CPNE4: variants seen among roughly 807,000 people sequenced by gnomAD.
CPNE4 encodes the protein copine 4.
In CPNE4, 25 loss-of-function variants were observed where a neutral mutation model predicts 67.9. The ratio of observed to expected loss-of-function variants is 0.37; its 90% CI spans 0.27 to 0.51. The LOEUF is 0.51. CPNE4 is among the 20% of genes least tolerant of loss of function. The probability of loss-of-function intolerance (pLI) is 0.93; values close to 1 mark genes in which losing one functional copy is unlikely to be tolerated. For synonymous variants in CPNE4, 242 were observed against 244.9 expected, an observed-to-expected ratio of 0.99 and a Z score of 0.11; for missense variants, 464 against 690.8, an observed-to-expected ratio of 0.67 and a Z score of 3.68.
At chr3:131,916,409 C>T (rs1583450865) in intron 1 of CPNE4, among the ~76,000 whole-genome samples, 1 of 149,026 alleles carries the variant, frequency 6.7e-6, no homozygotes, top group African/African-American at 2.5e-5. Context: ...AAACGACAGA[C>T]AACATATGAA....
chr3:132,015,685 C>A (rs1036095201), intron 1 of CPNE4, among the ~76,000 whole-genome samples: 1 of 152,152 alleles, frequency 6.6e-6, no homozygotes, highest in Non-Finnish European at 1.5e-5. Flanking sequence ...CAAAAGGCCA[C>A]AAGCAGAGGG....
chr3:131,622,898 T>A (rs1276569002), intron 7 of CPNE4, among the ~76,000 whole-genome samples: 1 of 152,220 alleles, frequency 6.6e-6, no homozygotes, highest in Non-Finnish European at 1.5e-5. Flanking sequence ...CACAGAAGTT[T>A]ATCATAGCTT....
At chr3:131,554,810 G>T (rs1276482310) in intron 12 of CPNE4, among the ~76,000 whole-genome samples, 2 of 151,994 alleles carry the variant, frequency 1.3e-5, no homozygotes, top group Non-Finnish European at 2.9e-5. Flanking sequence ...GAGGTACCCT[G>T]CTGTCTCTCC....
intron 3 of CPNE4, among the ~76,000 whole-genome samples, chr3:131,706,176 C>T (rs979928172): frequency 3.3e-5 from 5 of 152,154 alleles, no homozygotes; most frequent in Admixed American, 6.5e-5. Context: ...TCAGAAGATG[C>T]TTGAAGGAAT....
chr3:131,558,425 A>G (rs947006022), intron 11 of CPNE4, among the ~76,000 whole-genome samples: 1 of 152,052 alleles, frequency 6.6e-6, no homozygotes, highest in Non-Finnish European at 1.5e-5. Context: ...CCATTTAGCA[A>G]CTGCTGGGAA....
At chr3:131,982,450 G>A (rs1437362993) in intron 1 of CPNE4, among the ~76,000 whole-genome samples, 2 of 152,154 alleles carry the variant, frequency 1.3e-5, no homozygotes, top group African/African-American at 4.8e-5. Context: ...AAAATGAAGT[G>A]CTAGACTGAG....
intron 2 of CPNE4, among the ~76,000 whole-genome samples, chr3:131,858,769 G>A (rs2086556382): frequency 6.6e-6 from 1 of 152,096 alleles, no homozygotes; most frequent in Admixed American, 6.6e-5. Context: ...AGGAGTTGTG[G>A]CTATAAGGCA....
intron 2 of CPNE4, among the ~76,000 whole-genome samples, chr3:131,789,567 G>A (rs1482660267): frequency 6.6e-6 from 1 of 152,218 alleles, no homozygotes; most frequent in Non-Finnish European, 1.5e-5. Flanking sequence ...GTTTTAGGAG[G>A]ATTATGCAGG....
At chr3:131,919,680 T>C (rs2070688235) in intron 1 of CPNE4, among the ~76,000 whole-genome samples, 1 of 152,200 alleles carries the variant, frequency 6.6e-6, no homozygotes, top group South Asian at 2.1e-4. Flanking sequence ...TGTACTCAGA[T>C]AAAATTTTAC....
At chr3:131,697,211 T>C (rs1013556864) in intron 4 of CPNE4, among the ~76,000 whole-genome samples, 2 of 152,176 alleles carry the variant, frequency 1.3e-5, no homozygotes, top group Non-Finnish European at 2.9e-5. Context: ...GACTTTCTCA[T>C]AATAGGTCAT....
At chr3:132,009,298 C>T (rs943064325) in intron 1 of CPNE4, among the ~76,000 whole-genome samples, 27 of 152,306 alleles carry the variant, frequency 1.8e-4, no homozygotes, top group African/African-American at 6.3e-4. Flanking sequence ...CCTGAGGAAC[C>T]TCTGCTCCTG....
intron 2 of CPNE4, among the ~76,000 whole-genome samples, chr3:131,903,235 G>T (rs1256779023): frequency 6.6e-6 from 1 of 152,046 alleles, no homozygotes; most frequent in Non-Finnish European, 1.5e-5. Flanking sequence ...TCCAAAACAG[G>T]TCTATTTGTG....
At chr3:131,654,888 C>G (rs936099437) in intron 7 of CPNE4, among the ~76,000 whole-genome samples, 1 of 152,132 alleles carries the variant, frequency 6.6e-6, no homozygotes, top group Non-Finnish European at 1.5e-5. Context: ...CCAGTCCAGT[C>G]CCCCACTGCA....
chr3:131,707,674 C>G (rs2081447779), intron 3 of CPNE4, among the ~76,000 whole-genome samples: 1 of 152,128 alleles, frequency 6.6e-6, no homozygotes, highest in South Asian at 2.1e-4. Context: ...ATGACAGAGG[C>G]AGGACTTGAT....
intron 1 of CPNE4, among the ~76,000 whole-genome samples, chr3:131,999,935 T>C (rs1263985594): frequency 6.6e-6 from 1 of 152,048 alleles, no homozygotes; most frequent in Non-Finnish European, 1.5e-5. Context: ...ATTGTTTATA[T>C]GGTTTCTAGT....
intron 1 of CPNE4, among the ~76,000 whole-genome samples, chr3:131,945,564 A>G (rs376063828): frequency 6.6e-6 from 1 of 152,190 alleles, no homozygotes; most frequent in East Asian, 1.9e-4. Context: ...AAACTTTCTC[A>G]GGGCTCAACT....
At chr3:131,800,696 G>C (rs1174277635) in intron 2 of CPNE4, among the ~76,000 whole-genome samples, 1 of 152,124 alleles carries the variant, frequency 6.6e-6, no homozygotes, top group African/African-American at 2.4e-5. Context: ...AATTTTGGAG[G>C]CTTTGAATGT....
At chr3:131,819,853 G>A (rs1218648480) in intron 2 of CPNE4, among the ~76,000 whole-genome samples, 1 of 152,182 alleles carries the variant, frequency 6.6e-6, no homozygotes, top group Non-Finnish European at 1.5e-5. Flanking sequence ...GATGTGGAAA[G>A]TATGACTTTG....
At chr3:131,909,102 C>A (rs1339086454) in intron 1 of CPNE4, among the ~76,000 whole-genome samples, 1 of 152,130 alleles carries the variant, frequency 6.6e-6, no homozygotes, top group African/African-American at 2.4e-5. Flanking sequence ...CCTGTACAAT[C>A]TGAGCATACT....
Sources: allele counts gnomAD v4.1 joint callset (sites outside exome capture counted in the v4.1 genomes callset), GRCh38; gene constraint gnomAD v4.1.1; transcripts MANE v1.5; gene names NCBI Gene and HGNC (gene_info 2026-07-23, HGNC 2026-07-21).